PITPNB: variants seen among roughly 807,000 people sequenced by gnomAD.
PITPNB encodes phosphatidylinositol transfer protein beta isoform.
A neutral mutation model predicts 45.9 loss-of-function variants in PITPNB; 16 were observed. The ratio of observed to expected loss-of-function variants is 0.35; its 90% CI spans 0.24 to 0.53. The LOEUF (loss-of-function observed/expected upper bound fraction) is 0.53. Among genes scored for constraint, PITPNB ranks in the 20% least tolerant of loss-of-function variants. The pLI is 0.93. For missense variants in PITPNB, 188 were observed against 330.5 expected (o/e 0.57, Z 3.34); for synonymous variants, 112 against 108.9 (o/e 1.03, Z -0.18).
chr22:27,869,003 A>C (rs527282096), intron 8 of PITPNB, among the ~76,000 whole-genome samples: 1 of 152,334 alleles, frequency 6.6e-6, no homozygotes, highest in South Asian at 2.1e-4. Context: ...GTAGTGTTTC[A>C]ATCTGTTAAA....
intron 8 of PITPNB, 148 bp from the exon 9 acceptor site, chr22:27,860,389 A>G: frequency 1.8e-6 from 1 of 563,294 alleles, no homozygotes; most frequent in Non-Finnish European, 3.1e-6. Context: ...ATTTGAAATC[A>G]TTTTAGCAAA....
chr22:27,884,951 G>A (rs1281075106), intron 7 of PITPNB, among the ~76,000 whole-genome samples: 2 of 151,042 alleles, frequency 1.3e-5, no homozygotes, highest in African/African-American at 2.4e-5. Flanking sequence ...TATAGAGGAA[G>A]GCTGATACAA....
At chr22:27,909,415 C>T (rs2146423963) in intron 3 of PITPNB, among the ~76,000 whole-genome samples, 1 of 151,638 alleles carries the variant, frequency 6.6e-6, no homozygotes, top group Admixed American at 6.6e-5. Flanking sequence ...ATTAGACTGC[C>T]AAACTTAAGG....
intron 8 of PITPNB, among the ~76,000 whole-genome samples, chr22:27,872,094 T>TG (rs1934681534): frequency 7.4e-6 from 1 of 135,458 alleles, no homozygotes; most frequent in Non-Finnish European, 1.6e-5. Flanking sequence ...TTTTTTTTTT[T>TG]TTTTTTTTTT....
intron 10 of PITPNB, among the ~76,000 whole-genome samples, chr22:27,857,798 G>A (rs1301367460): frequency 1.3e-5 from 2 of 152,200 alleles, no homozygotes; most frequent in Non-Finnish European, 2.9e-5. Flanking sequence ...CACTGGTGGT[G>A]GGGAGCAGCT....
chr22:27,913,694 C>T (rs1265992287), intron 2 of PITPNB, among the ~76,000 whole-genome samples: 1 of 152,176 alleles, frequency 6.6e-6, no homozygotes, highest in Non-Finnish European at 1.5e-5. Context: ...AGTAACAGGA[C>T]CAGCTGGTAG....
At chr22:27,905,928 T>C (rs1361884535) in intron 3 of PITPNB, among the ~76,000 whole-genome samples, 2 of 152,224 alleles carry the variant, frequency 1.3e-5, no homozygotes, top group Non-Finnish European at 2.9e-5. Context: ...CAAAATTCTC[T>C]GCCCAGTAAA....
intron 7 of PITPNB, among the ~76,000 whole-genome samples, chr22:27,893,516 C>G (rs28529300): frequency 0.22 from 32,430 of 150,394 alleles, 4,102 homozygotes; most frequent in African/African-American, 0.33. Flanking sequence ...ATCTCCTGAC[C>G]TCGTGATCTT....
At chr22:27,897,708 G>T in intron 4 of PITPNB, 93 bp downstream of exon 4, 1 of 837,186 alleles carries the variant, frequency 1.2e-6, no homozygotes, top group Non-Finnish European at 2.1e-6. Context: ...GGAAGACCTT[G>T]CTCAGTGTAA....
intron 3 of PITPNB, among the ~76,000 whole-genome samples, chr22:27,905,409 C>G (rs1448816320): frequency 6.6e-6 from 1 of 152,166 alleles, no homozygotes; most frequent in African/African-American, 2.4e-5. Context: ...CTTGGCCTCC[C>G]AAAGTGCTGG....
At chr22:27,863,630 T>A (rs1396850185) in intron 8 of PITPNB, among the ~76,000 whole-genome samples, 2 of 152,212 alleles carry the variant, frequency 1.3e-5, no homozygotes. Context: ...ATTGGACACT[T>A]TCTACTAAAT....
intron 3 of PITPNB, among the ~76,000 whole-genome samples, chr22:27,909,855 C>G (rs1031375135): frequency 6.6e-6 from 1 of 152,036 alleles, no homozygotes; most frequent in Non-Finnish European, 1.5e-5. Flanking sequence ...TCACAGCCCA[C>G]TGCAACCTCT....
At chr22:27,863,890 A>C (rs904878839) in intron 8 of PITPNB, among the ~76,000 whole-genome samples, 8 of 152,218 alleles carry the variant, frequency 5.3e-5, no homozygotes, top group Admixed American at 1.3e-4. Context: ...TAATTCATAA[A>C]GTGGCATTGT....
intron 8 of PITPNB, among the ~76,000 whole-genome samples, chr22:27,872,252 C>T (rs1934688624): frequency 1.3e-5 from 2 of 151,814 alleles, no homozygotes; most frequent in Admixed American, 1.3e-4. Context: ...CACCATCGTG[C>T]CCAGCTAATT....
At position 27,851,917 on chromosome 22, in the gene PITPNB, T is replaced by C. The variant is rs1246569887; in HGVS notation, c.*1785A>G. On this transcript the variant is annotated 3_prime_UTR_variant, in exon 12 of 12. Coordinates refer to ENST00000335272, the MANE Select transcript of PITPNB (RefSeq NM_012399.5). ...TCATTAAAAGGAGAGGGCTAGACTCTTTATTTCACAAAATTAGCAATAATC... is the reference window on the plus strand; with the variant it reads ...TCATTAAAAGGAGAGGGCTAGACTCCTTATTTCACAAAATTAGCAATAATC... The C allele has an allele frequency of 6.6e-6, 1 of 152,216 alleles. No homozygotes were observed. The highest frequency in any genetic ancestry group is 2.4e-5 in the African/African-American group (1 of 41,448). 9.4% of individuals were successfully genotyped at this position (152,216 alleles called of 1,614,324 possible).
At chr22:27,881,913 G>A (rs1261259404) in intron 7 of PITPNB, among the ~76,000 whole-genome samples, 1 of 152,040 alleles carries the variant, frequency 6.6e-6, no homozygotes, top group Non-Finnish European at 1.5e-5. Flanking sequence ...ACTTTTTCTG[G>A]TCATGTTCCA....
chr22:27,907,788 C>G (rs892448013), intron 3 of PITPNB, among the ~76,000 whole-genome samples: 1 of 152,112 alleles, frequency 6.6e-6, no homozygotes, highest in African/African-American at 2.4e-5. Flanking sequence ...GTCTCTGTCA[C>G]CATTCTGTCA....
In PITPNB at chr22:27,852,329, G is replaced by A. The variant is rs1475420659; in HGVS notation, c.*1373C>T. 2 of 152,138 alleles carry A rather than the reference G, an allele frequency of 1.3e-5. No homozygotes were observed. Among genetic ancestry groups the A allele is most frequent in the African/African-American group, 2.4e-5 (1 of 41,426 alleles). The allele number at this position is 152,138 out of a possible 1,614,324, so 9.4% of individuals were successfully genotyped here. A position where few individuals can be genotyped will look rare whatever the true frequency, so the allele number is the denominator to read the frequency against. ...CAATATAATTCTATTCAAGCTTCCA[G>A]GACTGACAGAGGAAAAACTGGATTC... On this transcript the variant is annotated 3_prime_UTR_variant, in exon 12 of 12. Transcript: ENST00000335272.
At chr22:27,889,911 G>T (rs1935225717) in intron 7 of PITPNB, among the ~76,000 whole-genome samples, 1 of 152,216 alleles carries the variant, frequency 6.6e-6, no homozygotes. Flanking sequence ...AGAATGAAAT[G>T]AACTAATTAA....
Sources: allele counts gnomAD v4.1 joint callset (sites outside exome capture counted in the v4.1 genomes callset), GRCh38; gene constraint gnomAD v4.1.1; transcripts MANE v1.5; gene names NCBI Gene and HGNC (gene_info 2026-07-23, HGNC 2026-07-21).